PABPC4L: variants seen among roughly 807,000 people sequenced by gnomAD.
The protein encoded by PABPC4L is poly(A) binding protein cytoplasmic 4 like.
For missense variants in PABPC4L, 452 were observed against 451.4 expected (o/e 1.00, Z -0.01); for synonymous variants, 169 against 164.1 (o/e 1.03, Z -0.23).
rs1342653855 is a variant in PABPC4L, at chr4:134,198,128, G to A, written c.*1779C>T. On this transcript the variant is annotated 3_prime_UTR_variant, in exon 2 of 2. Coordinates refer to ENST00000421491, the MANE Select transcript of PABPC4L (RefSeq NM_001114734.2). ...TTGAACAAAACATAAAAGTCACTCA[G>A]ATTATAAGACAAATAATTATTGTGA... The A allele has an allele frequency of 6.6e-6, 1 of 151,606 alleles. No homozygotes were observed. Among genetic ancestry groups the A allele is most frequent in the South Asian group, 2.1e-4 (1 of 4,834 alleles). 9.4% of individuals were successfully genotyped at this position (151,606 alleles called of 1,614,324 possible). A position where few individuals can be genotyped will look rare whatever the true frequency, so the allele number is the denominator to read the frequency against.
At chr4:133,961,706 C>T in the PABPC4L span, among the ~76,000 whole-genome samples, 71 of 152,136 alleles carry the variant, frequency 4.7e-4, no homozygotes, top group South Asian at 6.2e-4. Context: ...GCTGAGCTTT[C>T]GCTTGCCGTC....
chr4:134,183,112 C>T, the PABPC4L span, among the ~76,000 whole-genome samples: 1 of 151,872 alleles, frequency 6.6e-6, no homozygotes, highest in Non-Finnish European at 1.5e-5. Flanking sequence ...TGGGTATATA[C>T]CCAAATGAAT....
At chr4:134,062,008 C>A in the PABPC4L span, among the ~76,000 whole-genome samples, 1 of 151,362 alleles carries the variant, frequency 6.6e-6, no homozygotes, top group Non-Finnish European at 1.5e-5. Context: ...CTTGTAAATG[C>A]AAGCCAGAAA....
the PABPC4L span, among the ~76,000 whole-genome samples, chr4:134,117,865 C>T: frequency 1.3e-5 from 2 of 151,688 alleles, no homozygotes; most frequent in African/African-American, 4.8e-5. Context: ...GCTGCATATG[C>T]CAGGAATACA....
chr4:134,180,662 A>G, the PABPC4L span, among the ~76,000 whole-genome samples: 3 of 151,498 alleles, frequency 2.0e-5, no homozygotes, highest in Non-Finnish European at 4.4e-5. Context: ...AAGAGAGATG[A>G]TCCAAATAAA....
the PABPC4L span, among the ~76,000 whole-genome samples, chr4:134,135,202 C>A: frequency 6.6e-6 from 1 of 152,018 alleles, no homozygotes; most frequent in Non-Finnish European, 1.5e-5. Context: ...AGCTGCTCTG[C>A]TACCGTTTAT....
At chr4:134,140,007 G>A in the PABPC4L span, among the ~76,000 whole-genome samples, 1 of 151,732 alleles carries the variant, frequency 6.6e-6, no homozygotes, top group Non-Finnish European at 1.5e-5. Context: ...GTTCATAAGG[G>A]AGTTTAAAAT....
downstream of PABPC4L, among the ~76,000 whole-genome samples, chr4:134,194,454 C>T (rs973145989): frequency 2.0e-5 from 3 of 151,592 alleles, no homozygotes; most frequent in Non-Finnish European, 4.4e-5. Flanking sequence ...TTTTGCTTAA[C>T]GTTTGAATAT....
the PABPC4L span, among the ~76,000 whole-genome samples, chr4:134,109,496 G>A: frequency 6.6e-6 from 1 of 151,530 alleles, no homozygotes; most frequent in African/African-American, 2.4e-5. Context: ...AAATAGAAGG[G>A]AGATACTAAT....
the PABPC4L span, among the ~76,000 whole-genome samples, chr4:134,085,453 G>A: frequency 4.0e-5 from 6 of 151,528 alleles, no homozygotes; most frequent in Non-Finnish European, 5.9e-5. Flanking sequence ...AAACACACAC[G>A]CACTAACGCA....
chr4:134,001,829 G>A, the PABPC4L span, among the ~76,000 whole-genome samples: 1 of 152,030 alleles, frequency 6.6e-6, no homozygotes, highest in Non-Finnish European at 1.5e-5. Context: ...TAACCAATGT[G>A]TGTTCACACT....
the PABPC4L span, among the ~76,000 whole-genome samples, chr4:134,148,868 TG>T: frequency 2.7e-5 from 4 of 147,934 alleles, no homozygotes; most frequent in African/African-American, 1.0e-4. Flanking sequence ...AATTTTTTTT[TG>T]GTAGTATCTT....
chr4:134,131,726 A>C, the PABPC4L span, among the ~76,000 whole-genome samples: 1 of 145,846 alleles, frequency 6.9e-6, no homozygotes, highest in Non-Finnish European at 1.5e-5. Flanking sequence ...AAAAAAAAAA[A>C]AAAAAAAAAA....
chr4:133,977,657 A>G, the PABPC4L span, among the ~76,000 whole-genome samples: 1 of 152,058 alleles, frequency 6.6e-6, no homozygotes, highest in East Asian at 1.9e-4. Flanking sequence ...TAGGTATTTT[A>G]TTCTCTTGGA....
chr4:134,027,279 A>G, the PABPC4L span, among the ~76,000 whole-genome samples: 2 of 152,124 alleles, frequency 1.3e-5, no homozygotes, highest in African/African-American at 2.4e-5. Flanking sequence ...TGATGGCAGG[A>G]TGGCAGGATG....
chr4:134,008,343 G>A, the PABPC4L span, among the ~76,000 whole-genome samples: 1 of 151,820 alleles, frequency 6.6e-6, no homozygotes, highest in South Asian at 2.1e-4. Flanking sequence ...AGTGTGAATG[G>A]ATTATAGATG....
chr4:134,097,679 C>A, the PABPC4L span, among the ~76,000 whole-genome samples: 1 of 151,844 alleles, frequency 6.6e-6, no homozygotes, highest in Non-Finnish European at 1.5e-5. Context: ...CTTCTCAGAC[C>A]TGTGGATACA....
chr4:134,088,269 A>C, the PABPC4L span, among the ~76,000 whole-genome samples: 1 of 152,066 alleles, frequency 6.6e-6, no homozygotes, highest in Non-Finnish European at 1.5e-5. Flanking sequence ...ATAGAAATTT[A>C]TATCTCCAGT....
chr4:134,120,580 T>C, the PABPC4L span, among the ~76,000 whole-genome samples: 1 of 151,108 alleles, frequency 6.6e-6, no homozygotes, highest in Non-Finnish European at 1.5e-5. Flanking sequence ...GAAACGTCTT[T>C]ATTATAACAT....
Sources: gnomAD v4.1 joint callset for allele counts (sites outside exome capture counted in the v4.1 genomes callset) on GRCh38, gnomAD v4.1.1 for gene constraint, MANE v1.5 for transcripts, NCBI Gene and HGNC (gene_info 2026-07-23, HGNC 2026-07-21) for gene names.